Variants in PLCH1 observed in about 807,000 individuals in gnomAD.
PLCH1 encodes 1-phosphatidylinositol 4,5-bisphosphate phosphodiesterase eta-1.
A neutral mutation model predicts 126.7 loss-of-function variants in PLCH1; 60 were observed. That is an observed-to-expected ratio of 0.47 (90% CI 0.38 to 0.59). The LOEUF (loss-of-function observed/expected upper bound fraction) is 0.59, where lower values mean the gene tolerates loss of function less well. Among genes scored for constraint, PLCH1 ranks in the 20% least tolerant of loss-of-function variants. PLCH1 has a pLI of 0.00. For missense variants in PLCH1, 1,723 were observed against 2,040.0 expected (o/e 0.84, Z 2.99); for synonymous variants, 719 against 734.9 (o/e 0.98, Z 0.35).
chr3:155,488,683 A>C lies in PLCH1; in HGVS notation c.2516T>G (p.Val839Gly). The C allele has an allele frequency of 6.2e-7, 1 of 1,613,614 alleles. No homozygotes were observed. Among genetic ancestry groups the C allele is most frequent in the South Asian group, 1.1e-5 (1 of 90,898 alleles). ...IGRDFVGQRT[V>G]TFSSLVPGYR... is the part of the protein sequence containing the mutation. ...ACCAGGCACTAAGCTGCTGAAGGTC[A>C]CAGTTCTTTGTCCAACAAAGTCTCG... is the stretch of plus-strand genomic sequence containing the variant. Residue 839 changes from valine (V) to glycine (G), a missense_variant, in exon 20 of 23, where the codon GTG becomes GGG. Val to Gly is a moderately radical substitution (Grantham distance 109). This residue lies in a region of PLCH1 where 776 missense variants were observed against 1,062.9 expected (regional missense o/e 0.73). Transcript: ENST00000460012.
intron 10 of PLCH1, among the ~76,000 whole-genome samples, chr3:155,548,361 T>C (rs1319505909): frequency 6.6e-6 from 1 of 152,238 alleles, no homozygotes; most frequent in African/African-American, 2.4e-5. Flanking sequence ...TCAGATGCTC[T>C]TGAAATACTT....
At chr3:155,578,313 T>C (rs1277332765) in intron 6 of PLCH1, among the ~76,000 whole-genome samples, 1 of 152,248 alleles carries the variant, frequency 6.6e-6, no homozygotes, top group Non-Finnish European at 1.5e-5. Flanking sequence ...TAACTAATTT[T>C]GACAAAGCAT....
At chr3:155,542,329 G>C (rs1467622047) in intron 10 of PLCH1, among the ~76,000 whole-genome samples, 2 of 152,238 alleles carry the variant, frequency 1.3e-5, no homozygotes, top group African/African-American at 4.8e-5. Context: ...AGCGAGGCTG[G>C]GGGAGGGGAG....
In PLCH1 at chr3:155,583,627, C is replaced by CATCT. The variant is rs1730989370; in HGVS notation, c.612_615dup (p.Glu206ArgfsTer2). The stretch of plus-strand genomic sequence containing the variant: ...TCAAATGTCAAAGTTCCCTGATTCT[C>CATCT]ATCTGTGTCGGCTTCCTGAAAAGGG... On this transcript the variant is annotated frameshift_variant, in exon 6 of 23. Transcript: ENST00000460012. LOFTEE classifies it high-confidence loss of function. 6.4e-7 allele frequency: 1 copy of CATCT among 1,571,858 alleles called. No homozygotes were observed. Among genetic ancestry groups the CATCT allele is most frequent in the Non-Finnish European group, 8.6e-7 (1 of 1,168,118 alleles).
rs185223387 is a variant in PLCH1 at position 155,482,023 on chromosome 3, C to G, written c.4003G>C (p.Asp1335His). 1 of 1,614,054 alleles carries G rather than the reference C, an allele frequency of 6.2e-7. No homozygotes were observed. The highest frequency in any genetic ancestry group is 1.3e-5 in the African/African-American group (1 of 74,924). Reference protein sequence around the residue: ...PASSPDLTLEDVIADPTLCFN... With the variant: ...PASSPDLTLEHVIADPTLCFN... ...CAGAGAGTGGGATCAGCTATTACAT[C>G]CTCCAGGGTCAAATCAGGGGAAGAG... The change falls in exon 23 of 23, where the codon GAT becomes CAT. Residue 1335 changes from aspartate to histidine, a missense_variant. By Grantham distance (81) the Asp-to-His change is moderately conservative. Around this residue, in one of 2 missense-constraint regions of PLCH1, gnomAD observed 947 missense variants for 977.1 expected, o/e 0.97. Transcript: ENST00000460012.
At chr3:155,584,483 T>C (rs1242070961) in intron 5 of PLCH1, among the ~76,000 whole-genome samples, 2 of 152,210 alleles carry the variant, frequency 1.3e-5, no homozygotes, top group African/African-American at 4.8e-5. Context: ...CTAGTAATTA[T>C]TGAGCATGAA....
chr3:155,653,086 G>A (rs1740891256), intron 2 of PLCH1, among the ~76,000 whole-genome samples: 2 of 151,852 alleles, frequency 1.3e-5, no homozygotes, highest in Non-Finnish European at 2.9e-5. Flanking sequence ...ATTGCTGGAA[G>A]ATATATAGAT....
rs1746485392 is a variant in PLCH1 at position 155,704,186 on chromosome 3, C to T, written c.39G>A (p.Gln13=). 2 of 1,230,174 alleles carry T rather than the reference C, an allele frequency of 1.6e-6. No individual in the cohort carries two copies. The highest frequency in any genetic ancestry group is 2.0e-6 in the Non-Finnish European group (2 of 986,654). 76.2% of individuals were successfully genotyped at this position (1,230,174 alleles called of 1,614,324 possible). A position where few individuals can be genotyped will look rare whatever the true frequency, so the allele number is the denominator to read the frequency against. The change falls in exon 2 of 23, where the codon CAG becomes CAA. Residue 13 remains glutamine, a synonymous_variant. Transcript: ENST00000460012. ...YWNLEKRNCV[Q]YRRHFLVDNS... is the part of the protein sequence containing the mutation. ...TGTCCACCAGAAAATGCCTGCGGTA[C>T]TGCACACAGTTCCTTTTTTCCAAGT...
At chr3:155,566,655 A>AG (rs10703439) in intron 7 of PLCH1, among the ~76,000 whole-genome samples, 1 of 151,788 alleles carries the variant, frequency 6.6e-6, no homozygotes, top group Non-Finnish European at 1.5e-5. Context: ...GTTTGAAAAA[A>AG]TGCTGCTAAT....
At chr3:155,612,100 T>G (rs1034324882) in intron 2 of PLCH1, among the ~76,000 whole-genome samples, 1 of 152,082 alleles carries the variant, frequency 6.6e-6, no homozygotes, top group African/African-American at 2.4e-5. Context: ...GCAGATCACC[T>G]GAGGTCAAGA....
In PLCH1 at chr3:155,624,072, C is replaced by T. The variant is rs147345617; in HGVS notation, c.80-27694G>A. Reference sequence around the variant, plus strand: ...CCACTACAATCAAGACAGCTTCATCCCTGGGATGCAAGGCTGGTTCAACAT... The same window carrying T: ...CCACTACAATCAAGACAGCTTCATCTCTGGGATGCAAGGCTGGTTCAACAT... On this transcript the variant is annotated intron_variant, in intron 2 of 22. Coordinates refer to ENST00000460012, the MANE Select transcript of PLCH1 (RefSeq NM_014996.4). Among the ~76,000 whole-genome samples, 774 of 152,236 alleles carry T rather than the reference C, an allele frequency of 5.1e-3. 7 individuals carry two copies. Among genetic ancestry groups the T allele is most frequent in the African/African-American group, 0.018 (738 of 41,522 alleles).
intron 21 of PLCH1, among the ~76,000 whole-genome samples, chr3:155,460,908 G>A (rs1327498784): frequency 6.6e-6 from 1 of 152,102 alleles, no homozygotes; most frequent in African/African-American, 2.4e-5. Context: ...CAGCTTCTGT[G>A]CTAGATATAA....
chr3:155,577,353 G>T (rs1730114936), intron 6 of PLCH1, among the ~76,000 whole-genome samples: 1 of 151,772 alleles, frequency 6.6e-6, no homozygotes, highest in South Asian at 2.1e-4. Context: ...TTTTGTAAAG[G>T]TTTCAAGTGT....
intron 1 of PLCH1, chr3:155,743,497 A>T (rs988228257): frequency 4.6e-6 from 2 of 439,488 alleles, no homozygotes; most frequent in African/African-American, 4.1e-5. Context: ...GCACCACTGC[A>T]CTCCAGCCTG....
chr3:155,656,290 T>C (rs1046928469), intron 2 of PLCH1, among the ~76,000 whole-genome samples: 1 of 152,062 alleles, frequency 6.6e-6, no homozygotes, highest in African/African-American at 2.4e-5. Flanking sequence ...TTCCAGAGCA[T>C]AGAAAAAGAA....
intron 4 of PLCH1, among the ~76,000 whole-genome samples, chr3:155,589,209 C>G (rs1040746202): frequency 6.6e-6 from 1 of 151,952 alleles, no homozygotes; most frequent in African/African-American, 2.4e-5. Context: ...CTGTAAAGGG[C>G]CTGATAGTGA....
intron 5 of PLCH1, among the ~76,000 whole-genome samples, chr3:155,585,096 C>G (rs1469914694): frequency 6.6e-6 from 1 of 152,164 alleles, no homozygotes; most frequent in Non-Finnish European, 1.5e-5. Flanking sequence ...TCTTCCCATT[C>G]TCTCATGCTG....
chr3:155,722,940 C>A (rs1304755152), intron 1 of PLCH1, among the ~76,000 whole-genome samples: 1 of 152,152 alleles, frequency 6.6e-6, no homozygotes, highest in South Asian at 2.1e-4. Flanking sequence ...AGCTGTGAAT[C>A]CATCTGGTCC....
chr3:155,490,786 T>C lies in PLCH1; in HGVS notation c.2390A>G (p.Asn797Ser), dbSNP rs764554663. 2.0e-6 allele frequency: 3 copies of C among 1,533,702 alleles called. No homozygotes were observed. Among genetic ancestry groups the C allele is most frequent in the East Asian group, 2.3e-5 (1 of 44,388 alleles). The change falls in exon 19 of 23, where the codon AAT becomes AGT. Residue 797 changes from asparagine (N) to serine (S), a missense_variant and splice_region_variant. This residue lies in a region of PLCH1 where 776 missense variants were observed against 1,062.9 expected (regional missense o/e 0.73). Transcript: ENST00000460012. ...GTGAACACAGATTACCATCTTACCA[T>C]TGTCATCTACCACACGGGTTTGATC... Reference protein sequence around the residue: ...CKDQTRVVDDNGFNPVWEETL... With the variant: ...CKDQTRVVDDSGFNPVWEETL...
Sources: gnomAD v4.1 joint callset for allele counts (sites outside exome capture counted in the v4.1 genomes callset) on GRCh38, gnomAD v4.1.1 for gene constraint, gnomAD v4.1.1 regional missense constraint, MANE v1.5 for transcripts, NCBI Gene and HGNC (gene_info 2026-07-23, HGNC 2026-07-21) for gene names.